The following DNAH6 variants were observed in gnomAD, a reference collection of about 807,000 sequenced individuals.
The protein encoded by DNAH6 is axonemal beta dynein heavy chain 6.
A neutral mutation model predicts 491.4 loss-of-function variants in DNAH6; 340 were observed. The observed-to-expected ratio is 0.69, with a 90% CI of 0.63 to 0.76. The LOEUF (loss-of-function observed/expected upper bound fraction) is 0.76, where lower values mean the gene tolerates loss of function less well. Ranked by LOEUF, DNAH6 falls within the 30% of genes least tolerant of loss-of-function variation. The probability of loss-of-function intolerance (pLI) is 0.00; values close to 1 mark genes in which losing one functional copy is unlikely to be tolerated. For missense variants in DNAH6, 4,443 were observed against 4,972.2 expected (o/e 0.89, Z 3.20); for synonymous variants, 1,603 against 1,686.1 (o/e 0.95, Z 1.21).
the DNAH6 span, among the ~76,000 whole-genome samples, chr2:84,460,576 C>G: frequency 6.6e-6 from 1 of 152,052 alleles, no homozygotes; most frequent in African/African-American, 2.4e-5. Context: ...TCCATGAAGA[C>G]GGGGATTTTT....
At chr2:84,561,410 C>T (rs1244616247) in intron 11 of DNAH6, among the ~76,000 whole-genome samples, 4 of 152,084 alleles carry the variant, frequency 2.6e-5, no homozygotes, top group African/African-American at 4.8e-5. Context: ...AAAACTTAAA[C>T]GTTAGACCTA....
the DNAH6 span, among the ~76,000 whole-genome samples, chr2:84,510,046 A>AT: frequency 6.6e-6 from 1 of 152,054 alleles, no homozygotes; most frequent in Non-Finnish European, 1.5e-5. Flanking sequence ...TCTGACAATT[A>AT]TATGTCTTGG....
In DNAH6 at chr2:84,797,616, A is replaced by G; in HGVS notation, c.11439A>G (p.Pro3813=). Residue 3813 remains proline, a synonymous_variant, in exon 70 of 77, where the codon CCA becomes CCG. Transcript: ENST00000389394. ...YIENLPLIDD[P]EIFGMHENAN... ...AAAATCTGCCTTTGATCGATGACCC[A>G]GAAATTTTTGGAATGCATGAAAATG... 6.4e-7 allele frequency: 1 copy of G among 1,551,604 alleles called. No individual in the cohort carries two copies. The highest frequency in any genetic ancestry group is 8.7e-7 in the Non-Finnish European group (1 of 1,146,836).
chr2:84,594,051 C>G lies in DNAH6; in HGVS notation c.2690C>G (p.Ser897Cys), dbSNP rs1427655130. 1 of 1,550,328 alleles carries G rather than the reference C, an allele frequency of 6.5e-7. No individual in the cohort carries two copies. Among genetic ancestry groups the G allele is most frequent in the Non-Finnish European group, 8.7e-7 (1 of 1,145,976 alleles). ...KLKQLLWDSF[S>C]EWDKLQQEWL... ...AAACAATTGCTCTGGGATTCTTTCT[C>G]TGAATGGGATAAACTCCAACAAGAA... is the stretch of plus-strand genomic sequence containing the variant. The change falls in exon 17 of 77, where the codon TCT becomes TGT. Residue 897 changes from serine to cysteine, a missense_variant. By Grantham distance (112) the Ser-to-Cys change is moderately radical. This residue lies in a region of DNAH6 where 2,977 missense variants were observed against 3,296.6 expected (regional missense o/e 0.90). Transcript: ENST00000389394.
chr2:84,813,029 C>G (rs747753761), intron 73 of DNAH6, 29 bp from the exon 74 acceptor site: 1 of 1,524,112 alleles, frequency 6.6e-7, no homozygotes, highest in Admixed American at 2.0e-5. Flanking sequence ...CCAGAAATAA[C>G]GTTTATTATG....
At chr2:84,773,644 C>T (rs1675850511) in intron 64 of DNAH6, among the ~76,000 whole-genome samples, 1 of 152,058 alleles carries the variant, frequency 6.6e-6, no homozygotes, top group South Asian at 2.1e-4. Context: ...AATCTCCAAA[C>T]TGCTTTTTAA....
chr2:84,604,595 T>C (rs1186198498), intron 19 of DNAH6, 44 bp downstream of exon 19: 12 of 1,442,272 alleles, frequency 8.3e-6, no homozygotes, highest in Non-Finnish European at 9.4e-6. Context: ...TTAGGGAATG[T>C]GAAAGTTTTC....
intron 11 of DNAH6, among the ~76,000 whole-genome samples, chr2:84,559,828 A>G (rs1276886039): frequency 1.3e-5 from 2 of 152,194 alleles, no homozygotes. Context: ...TAAAAATACA[A>G]ATGGAAAAGA....
the DNAH6 span, among the ~76,000 whole-genome samples, chr2:84,461,879 G>A: frequency 6.6e-6 from 1 of 152,148 alleles, no homozygotes; most frequent in East Asian, 1.9e-4. Flanking sequence ...TCTGAAGTTT[G>A]ATAGGAAGTG....
At chr2:84,801,702 G>T (rs368557331) in intron 70 of DNAH6, among the ~76,000 whole-genome samples, 6 of 151,916 alleles carry the variant, frequency 3.9e-5, no homozygotes, top group Non-Finnish European at 8.8e-5. Context: ...TGGGCAACAC[G>T]GTGAAATCCT....
At chr2:84,624,155 A>G in intron 26 of DNAH6, 110 bp from the exon 27 acceptor site, 1 of 993,742 alleles carries the variant, frequency 1.0e-6, no homozygotes, top group East Asian at 2.7e-5. Flanking sequence ...TAGATTCTTA[A>G]AATTAGCTGG....
chr2:84,593,488 G>C (rs894541806), intron 16 of DNAH6, among the ~76,000 whole-genome samples: 4 of 152,090 alleles, frequency 2.6e-5, no homozygotes, highest in African/African-American at 9.7e-5. Flanking sequence ...ATATAAAGTC[G>C]TGGTTAGAAA....
In DNAH6 at chr2:84,659,038, T is replaced by C. The variant is rs979245479; in HGVS notation, c.5953T>C (p.Leu1985=). The C allele has an allele frequency of 2.1e-6, 3 of 1,440,466 alleles. No individual in the cohort carries two copies. Among genetic ancestry groups the C allele is most frequent in the African/African-American group, 2.9e-5 (2 of 69,448 alleles). The allele number at this position is 1,440,466 out of a possible 1,614,324, so 89.2% of individuals were successfully genotyped here. Residue 1985 remains leucine (L), a synonymous_variant, in exon 37 of 77, where the codon TTG becomes CTG. Coordinates refer to ENST00000389394, the MANE Select transcript of DNAH6 (RefSeq NM_001370.2). ...TTTATTCTTTCAGGAACAAACAAAA[T>C]TGAACACTATACTATGTCAGACTTT... is the stretch of plus-strand genomic sequence containing the variant. ...GVNLAMEQTK[L]NTILCQTFVF...
At chr2:84,665,125 A>G (rs1691957100) in intron 37 of DNAH6, among the ~76,000 whole-genome samples, 1 of 152,210 alleles carries the variant, frequency 6.6e-6, no homozygotes, top group African/African-American at 2.4e-5. Context: ...TTATAGCACT[A>G]AATGCCCACA....
In DNAH6 at chr2:84,711,051, A is replaced by G. The variant is rs1001569193; in HGVS notation, c.9378+639A>G. Among the ~76,000 whole-genome samples, 4 of 152,218 alleles carry G rather than the reference A, an allele frequency of 2.6e-5. No individual in the cohort carries two copies. In the South Asian group the frequency reaches 8.3e-4, roughly 32 times the overall value. The stretch of plus-strand genomic sequence containing the variant: ...AATAGCTTACAATTGAGGTGGGGAC[A>G]GAGACAGTAAACAGAGAAAGAAAGA... On this transcript the variant is annotated intron_variant, in intron 56 of 76. Coordinates refer to ENST00000389394, the MANE Select transcript of DNAH6 (RefSeq NM_001370.2).
chr2:84,778,678 T>C (rs546910711), intron 64 of DNAH6, among the ~76,000 whole-genome samples: 1 of 152,078 alleles, frequency 6.6e-6, no homozygotes, highest in African/African-American at 2.4e-5. Flanking sequence ...TTTCTGTATT[T>C]TTTGTAGAGA....
chr2:84,781,846 G>A (rs780847721), intron 65 of DNAH6, among the ~76,000 whole-genome samples, 193 bp downstream of exon 65: 10 of 152,306 alleles, frequency 6.6e-5, no homozygotes, highest in Non-Finnish European at 1.5e-4. Context: ...AGAATTCCAA[G>A]TTGAGGCTAG....
chr2:84,654,615 A>G, intron 34 of DNAH6, 45 bp from the exon 35 acceptor site: 1 of 1,546,640 alleles, frequency 6.5e-7, no homozygotes, highest in South Asian at 1.2e-5. Flanking sequence ...AGAAATAAGG[A>G]AGTATCATAT....
At chr2:84,781,447 T>A in intron 64 of DNAH6, 46 bp from the exon 65 acceptor site, 1 of 1,482,606 alleles carries the variant, frequency 6.7e-7, no homozygotes, top group Non-Finnish European at 9.0e-7. Flanking sequence ...TTGATTTTGC[T>A]TTAAAATAGC....
Sources: gnomAD v4.1 joint callset for allele counts (sites outside exome capture counted in the v4.1 genomes callset) on GRCh38, gnomAD v4.1.1 for gene constraint, gnomAD v4.1.1 regional missense constraint, MANE v1.5 for transcripts, NCBI Gene and HGNC (gene_info 2026-07-23, HGNC 2026-07-21) for gene names.